SPTLC2: variants seen among roughly 807,000 people sequenced by gnomAD.
SPTLC2 encodes serine palmitoyltransferase long chain base subunit 2.
Under a neutral mutation model 62.0 loss-of-function variants are expected in SPTLC2, and 21 were observed. The observed-to-expected ratio is 0.34, with a 90% CI of 0.24 to 0.49. The LOEUF is 0.49. Ranked by LOEUF, SPTLC2 falls within the 20% of genes least tolerant of loss-of-function variation. SPTLC2 has a pLI of 0.99. For synonymous variants in SPTLC2, 261 were observed against 261.8 expected (o/e 1.00, Z 0.03); for missense variants, 511 against 713.0 (o/e 0.72, Z 3.23).
chr14:77,519,280 C>T (rs1042545759), intron 10 of SPTLC2, among the ~76,000 whole-genome samples: 1 of 152,110 alleles, frequency 6.6e-6, no homozygotes, highest in Non-Finnish European at 1.5e-5. Context: ...CCTTGTGATC[C>T]ACCCACCTCG....
At chr14:77,518,977 G>A (rs1160016469) in intron 10 of SPTLC2, among the ~76,000 whole-genome samples, 2 of 152,162 alleles carry the variant, frequency 1.3e-5, no homozygotes, top group African/African-American at 4.8e-5. Flanking sequence ...AGGCCCTGTG[G>A]CCTTACTCCA....
At chr14:77,612,631 C>T (rs961832569) in intron 1 of SPTLC2, among the ~76,000 whole-genome samples, 1 of 152,172 alleles carries the variant, frequency 6.6e-6, no homozygotes, top group South Asian at 2.1e-4. Flanking sequence ...TCATAACTAT[C>T]GTCTCCTTTT....
chr14:77,570,535 T>C, intron 4 of SPTLC2, 27 bp from the exon 5 acceptor site: 4 of 1,594,912 alleles, frequency 2.5e-6, no homozygotes, highest in East Asian at 2.3e-5. Flanking sequence ...ATAAAGTCAG[T>C]ATCACAAAAT....
In SPTLC2 at chr14:77,510,803, C is replaced by A. The variant is rs1034970519; in HGVS notation, c.*1481G>T. 1.3e-5 allele frequency: 2 copies of A among 152,522 alleles called. No individual in the cohort carries two copies. The highest frequency in any genetic ancestry group is 2.4e-5 in the African/African-American group (1 of 41,430). The allele number at this position is 152,522 out of a possible 1,614,324, so 9.4% of individuals were successfully genotyped here. A position where few individuals can be genotyped will look rare whatever the true frequency, so the allele number is the denominator to read the frequency against. On this transcript the variant is annotated 3_prime_UTR_variant, in exon 12 of 12. Coordinates refer to ENST00000216484, the MANE Select transcript of SPTLC2 (RefSeq NM_004863.4). ...ACATGACTTTCATACACTGTTTTTC[C>A]ATTCTGTTCCCAATCCTTCTCCTGT...
At chr14:77,564,039 G>A (rs929416383) in intron 5 of SPTLC2, among the ~76,000 whole-genome samples, 3 of 151,880 alleles carry the variant, frequency 2.0e-5, no homozygotes, top group African/African-American at 7.3e-5. Flanking sequence ...ATCACTTGAG[G>A]TCAGGAGTTC....
In SPTLC2 at chr14:77,555,939, G is replaced by A. The variant is rs150240135; in HGVS notation, c.957-420C>T. ...CGGCTGAGTTTATTGGGTTTTAAAT[G>A]GTCTGACAACTGTATCTGTGGCTTA... On this transcript the variant is annotated intron_variant, in intron 7 of 11. Transcript: ENST00000216484. 7.5e-3 allele frequency among the ~76,000 whole-genome samples: 1,141 copies of A among 152,096 alleles called. 20 individuals are homozygous for A. Among genetic ancestry groups the A allele is most frequent in the African/African-American group, 0.026 (1,088 of 41,494 alleles).
At chr14:77,556,941 T>C in intron 7 of SPTLC2, 100 bp downstream of exon 7, 2 of 914,288 alleles carry the variant, frequency 2.2e-6, no homozygotes, top group Non-Finnish European at 3.6e-6. Context: ...ACTGTCTCCT[T>C]AGTTTCCAGA....
At chr14:77,599,154 G>A (rs1208491233) in intron 1 of SPTLC2, among the ~76,000 whole-genome samples, 1 of 152,018 alleles carries the variant, frequency 6.6e-6, no homozygotes, top group Non-Finnish European at 1.5e-5. Context: ...AAAACTTTTT[G>A]CTTCTTGGTC....
chr14:77,614,491 C>T (rs929688893), intron 1 of SPTLC2, among the ~76,000 whole-genome samples: 1 of 152,020 alleles, frequency 6.6e-6, no homozygotes, highest in Non-Finnish European at 1.5e-5. Flanking sequence ...AGTGAAACCC[C>T]GTATCTACTA....
At chr14:77,590,259 T>C (rs2079808597) in intron 2 of SPTLC2, among the ~76,000 whole-genome samples, 1 of 152,212 alleles carries the variant, frequency 6.6e-6, no homozygotes, top group African/African-American at 2.4e-5. Flanking sequence ...ATTACAGGTG[T>C]GAGCTAACAC....
intron 3 of SPTLC2, among the ~76,000 whole-genome samples, chr14:77,578,484 A>AGG (rs927686923): frequency 6.6e-6 from 1 of 152,084 alleles, no homozygotes; most frequent in Non-Finnish European, 1.5e-5. Flanking sequence ...TGGGAGGCTG[A>AGG]GGGGGACAGA....
At chr14:77,593,549 G>T (rs996889146) in intron 2 of SPTLC2, among the ~76,000 whole-genome samples, 1 of 152,104 alleles carries the variant, frequency 6.6e-6, no homozygotes, top group African/African-American at 2.4e-5. Flanking sequence ...GAGGATTAAG[G>T]GGTAAAGAAT....
At chr14:77,585,226 A>C (rs1311544746) in intron 2 of SPTLC2, among the ~76,000 whole-genome samples, 10 of 152,348 alleles carry the variant, frequency 6.6e-5, no homozygotes, top group South Asian at 2.1e-4. Context: ...TGACGATTTC[A>C]ACAACGTGGT....
intron 7 of SPTLC2, among the ~76,000 whole-genome samples, chr14:77,556,727 AATTT>A (rs2079586045): frequency 8.1e-6 from 1 of 123,232 alleles, no homozygotes; most frequent in Non-Finnish European, 1.9e-5. Context: ...AATGGTGTGT[AATTT>A]GTTTTGACAT....
In SPTLC2 at chr14:77,507,233, T is replaced by C. The variant is rs1342171486; in HGVS notation, c.*5051A>G. On this transcript the variant is annotated 3_prime_UTR_variant, in exon 12 of 12. Transcript: ENST00000216484. ...CTATACATTAAAAGCAAAGGGATCA[T>C]TGGCTAGCACTAGCATTTATTCTGT... is the stretch of plus-strand genomic sequence containing the variant. 6.6e-6 allele frequency: 1 copy of C among 152,232 alleles called. No homozygotes were observed. The highest frequency in any genetic ancestry group is 1.9e-4 in the East Asian group (1 of 5,196). 9.4% of individuals were successfully genotyped at this position (152,232 alleles called of 1,614,324 possible). A position where few individuals can be genotyped will look rare whatever the true frequency, so the allele number is the denominator to read the frequency against.
chr14:77,593,210 T>C (rs2079828093), intron 2 of SPTLC2, among the ~76,000 whole-genome samples: 1 of 152,230 alleles, frequency 6.6e-6, no homozygotes, highest in South Asian at 2.1e-4. Flanking sequence ...AAAATGTTAG[T>C]TTAAAATTTT....
chr14:77,587,532 T>G (rs1217003597), intron 2 of SPTLC2, among the ~76,000 whole-genome samples: 1 of 146,318 alleles, frequency 6.8e-6, no homozygotes, highest in East Asian at 2.7e-4. Context: ...TTTGGGAGGC[T>G]GAGGCAGGTG....
intron 2 of SPTLC2, among the ~76,000 whole-genome samples, chr14:77,595,358 C>G (rs1263387398): frequency 6.6e-6 from 1 of 151,904 alleles, no homozygotes; most frequent in Non-Finnish European, 1.5e-5. Context: ...GAGCGAGACT[C>G]TTGTCTAAAA....
intron 5 of SPTLC2, among the ~76,000 whole-genome samples, chr14:77,569,289 A>G (rs542824850): frequency 6.6e-6 from 1 of 152,238 alleles, no homozygotes; most frequent in South Asian, 2.1e-4. Context: ...TAGGAAACCT[A>G]CTTAATTTTA....
Sources: allele counts gnomAD v4.1 joint callset (sites outside exome capture counted in the v4.1 genomes callset), GRCh38; gene constraint gnomAD v4.1.1; transcripts MANE v1.5; gene names NCBI Gene and HGNC (gene_info 2026-07-23, HGNC 2026-07-21).